GNB5: variants seen among roughly 807,000 people sequenced by gnomAD.
GNB5 encodes the protein guanine nucleotide-binding protein subunit beta-5.
In GNB5, 37 loss-of-function variants were observed where a neutral mutation model predicts 55.3. That is an observed-to-expected ratio of 0.67 (90% confidence interval 0.51 to 0.88). The LOEUF (loss-of-function observed/expected upper bound fraction) is 0.88. GNB5 is among the 40% of genes least tolerant of loss of function. GNB5 has a pLI of 0.00. For missense variants in GNB5, 476 were observed against 515.3 expected (o/e 0.92, Z 0.74); for synonymous variants, 219 against 198.5 (o/e 1.10, Z -0.87).
chr15:52,154,079 G>A lies in GNB5; in HGVS notation c.239-3C>T, dbSNP rs188259142. The A allele has an allele frequency of 1.5e-5, 24 of 1,613,332 alleles. No homozygotes were observed. In the East Asian group the frequency reaches 4.9e-4, roughly 33 times the overall value. On this transcript the variant is annotated splice_region_variant and splice_polypyrimidine_tract_variant and intron_variant, in intron 3 of 12. Transcript: ENST00000261837. ...CACCCGCTCCGCCACCTGGTGCACT[G>A]GAATGACAAGGCCATAGTCAGTCCC...
chr15:52,159,071 CA>C (rs2034276721), intron 3 of GNB5, among the ~76,000 whole-genome samples: 1 of 152,062 alleles, frequency 6.6e-6, no homozygotes, highest in African/African-American at 2.4e-5. Flanking sequence ...GAGGAAATGG[CA>C]AAAGCAAAGG....
chr15:52,142,268 T>A (rs2033873269), intron 6 of GNB5, among the ~76,000 whole-genome samples: 2 of 152,194 alleles, frequency 1.3e-5, no homozygotes, highest in Admixed American at 1.3e-4. Flanking sequence ...GGTGTGATAT[T>A]TTGAGACCAT....
chr15:52,153,785 A>G lies in GNB5; in HGVS notation c.375+155T>C, dbSNP rs143954626. Among the ~76,000 whole-genome samples the G allele has an allele frequency of 3.2e-3, 488 of 152,368 alleles. 1 individual carries two copies. The highest frequency in any genetic ancestry group is 0.02 in the Middle Eastern group (6 of 294). ...TCTACCCAAATTATGAAGTTCTATA[A>G]TATGTAAGAGAGTTCTTTATGCTAA... On this transcript the variant is annotated intron_variant, in intron 4 of 12. Transcript: ENST00000261837.
At chr15:52,131,955 T>C (rs2033589222) in intron 9 of GNB5, among the ~76,000 whole-genome samples, 1 of 152,158 alleles carries the variant, frequency 6.6e-6, no homozygotes, top group Non-Finnish European at 1.5e-5. Context: ...CAAACCTAAT[T>C]AGCCCCCAAA....
At chr15:52,183,756 G>A (rs1416197571) in intron 2 of GNB5, among the ~76,000 whole-genome samples, 1 of 152,160 alleles carries the variant, frequency 6.6e-6, no homozygotes, top group African/African-American at 2.4e-5. Context: ...ACCAAGTGGG[G>A]GCTCTGCTCA....
At chr15:52,147,558 C>T (rs568961518) in intron 5 of GNB5, 23 bp from the exon 6 acceptor site, 2 of 1,277,042 alleles carry the variant, frequency 1.6e-6, no homozygotes, top group Admixed American at 2.3e-5. Context: ...ACAGAGTGAA[C>T]AACTAGCACT....
At chr15:52,171,093 CAAAAAA>C (rs58181494) in intron 3 of GNB5, among the ~76,000 whole-genome samples, 4 of 72,648 alleles carry the variant, frequency 5.5e-5, no homozygotes, top group African/African-American at 1.2e-4. Context: ...ACTCTATCTC[CAAAAAA>C]AAAAAAAAAA....
intron 3 of GNB5, among the ~76,000 whole-genome samples, chr15:52,158,241 C>T (rs926198877): frequency 4.6e-5 from 7 of 152,096 alleles, no homozygotes; most frequent in Non-Finnish European, 8.8e-5. Context: ...AGCTGCACAA[C>T]CTCGAGCAAA....
In GNB5 at chr15:52,141,281, G is replaced by T. The variant is rs2033847218; in HGVS notation, c.495-9C>A. ...ACTTATTATCCAAACCACTAGGATG[G>T]AAAGAAAGAAGTACCAAAGATTAAT... is the stretch of plus-strand genomic sequence containing the variant. On this transcript the variant is annotated splice_polypyrimidine_tract_variant and intron_variant, in intron 6 of 12. Transcript: ENST00000261837. 6 of 1,612,588 alleles carry T rather than the reference G, an allele frequency of 3.7e-6. No individual in the cohort carries two copies. In the South Asian group the frequency reaches 4.4e-5, roughly 12 times the overall value.
At chr15:52,134,061 C>T (rs919060645) in intron 8 of GNB5, among the ~76,000 whole-genome samples, 2 of 152,228 alleles carry the variant, frequency 1.3e-5, no homozygotes, top group Non-Finnish European at 2.9e-5. Context: ...CTGCCATCGA[C>T]GCGCAGGGTG....
At chr15:52,140,567 A>G (rs902879857) in intron 7 of GNB5, among the ~76,000 whole-genome samples, 1 of 152,224 alleles carries the variant, frequency 6.6e-6, no homozygotes, top group Non-Finnish European at 1.5e-5. Flanking sequence ...ATCTGGCAAT[A>G]TGGGTAGTAG....
rs761603715 is a variant in GNB5, at chr15:52,135,607, C to G, written c.771+6G>C. On this transcript the variant is annotated splice_donor_region_variant and intron_variant, in intron 8 of 12. Transcript: ENST00000261837. ...GAGCCCTAGGGAATTTCCACTGGGTCTTTACCCCAGACACGAAGGTGTTTC... is the reference window on the plus strand; with the variant it reads ...GAGCCCTAGGGAATTTCCACTGGGTGTTTACCCCAGACACGAAGGTGTTTC... 3.7e-6 allele frequency: 6 copies of G among 1,613,346 alleles called. No homozygotes were observed. In the South Asian group the frequency reaches 6.6e-5, roughly 18 times the overall value.
chr15:52,133,425 C>G lies in GNB5; in HGVS notation c.816G>C (p.Gln272His), dbSNP rs773112027. 31 of 1,613,452 alleles carry G rather than the reference C, an allele frequency of 1.9e-5. No homozygotes were observed. In the East Asian group the frequency reaches 4.0e-4, roughly 21 times the overall value. ...CATGTGTTTCAAAGGCCTGCACGCACTGGCCGGAGCGCATGTCCCACACCA... is the reference window on the plus strand; with the variant it reads ...CATGTGTTTCAAAGGCCTGCACGCAGTGGCCGGAGCGCATGTCCCACACCA... ...KAMVWDMRSG[Q>H]CVQAFETHES... Residue 272 changes from glutamine to histidine, a missense_variant, in exon 9 of 13, where the codon CAG (glutamine) becomes CAC (histidine). Gln to His is a conservative substitution (Grantham distance 24, BLOSUM62 0). Transcript: ENST00000261837.
chr15:52,186,079 T>G (rs1220905334), intron 1 of GNB5, among the ~76,000 whole-genome samples: 2 of 152,038 alleles, frequency 1.3e-5, no homozygotes, highest in African/African-American at 4.8e-5. Context: ...ACACCTGGCC[T>G]CATCTCTTGA....
At chr15:52,170,603 T>C (rs2034537437) in intron 3 of GNB5, among the ~76,000 whole-genome samples, 1 of 152,050 alleles carries the variant, frequency 6.6e-6, no homozygotes, top group African/African-American at 2.4e-5. Context: ...GATGCTGGGC[T>C]TAATACTTAG....
At chr15:52,174,702 G>A (rs2034616774) in intron 3 of GNB5, among the ~76,000 whole-genome samples, 1 of 152,104 alleles carries the variant, frequency 6.6e-6, no homozygotes, top group South Asian at 2.1e-4. Context: ...AAGAATTTGG[G>A]CAAGTCCAAG....
chr15:52,156,686 C>T (rs1369653611), intron 3 of GNB5, among the ~76,000 whole-genome samples: 1 of 152,124 alleles, frequency 6.6e-6, no homozygotes, highest in African/African-American at 2.4e-5. Flanking sequence ...GCAGAGGTCG[C>T]AGTGAGCTGA....
At chr15:52,133,614 G>T in intron 8 of GNB5, 145 bp from the exon 9 acceptor site, 1 of 614,572 alleles carries the variant, frequency 1.6e-6, no homozygotes, top group Non-Finnish European at 2.9e-6. Context: ...CTTTACCTGA[G>T]GGCACTTTCC....
intron 1 of GNB5, among the ~76,000 whole-genome samples, chr15:52,188,633 A>G (rs2034877944): frequency 6.6e-6 from 1 of 152,248 alleles, no homozygotes; most frequent in African/African-American, 2.4e-5. Flanking sequence ...CAAGAAAGAC[A>G]GAAATGCCCC....
Sources: allele counts gnomAD v4.1 joint callset (sites outside exome capture counted in the v4.1 genomes callset), GRCh38; gene constraint gnomAD v4.1.1; transcripts MANE v1.5; gene names NCBI Gene and HGNC (gene_info 2026-07-23, HGNC 2026-07-21).